The following NBAS variants were observed in gnomAD, a reference collection of about 807,000 sequenced individuals.
NBAS encodes NAG/BC035112 fusion.
Under a neutral mutation model 302.5 loss-of-function variants are expected in NBAS, and 219 were observed. The observed-to-expected ratio is 0.72, with a 90% CI of 0.65 to 0.81. The LOEUF is 0.81. Ranked by LOEUF, NBAS falls within the 30% of genes least tolerant of loss-of-function variation. The pLI, the probability that NBAS is intolerant of heterozygous loss-of-function variation, is 0.00. For synonymous variants in NBAS, 1,118 were observed against 1,021.6 expected, an observed-to-expected ratio of 1.09 and a Z score of -1.80; for missense variants, 2,932 against 2,841.6, an observed-to-expected ratio of 1.03 and a Z score of -0.72.
At chr2:15,272,671 G>A (rs778672755) in intron 44 of NBAS, among the ~76,000 whole-genome samples, 8 of 152,060 alleles carry the variant, frequency 5.3e-5, no homozygotes, top group African/African-American at 9.7e-5. Context: ...GTAGAAAATC[G>A]CCTCTTGAGA....
At chr2:15,036,938 C>A in the NBAS span, among the ~76,000 whole-genome samples, 1 of 152,036 alleles carries the variant, frequency 6.6e-6, no homozygotes, top group African/African-American at 2.4e-5. Context: ...GTTAGGCAAG[C>A]CAGGAAGGTT....
rs187051244 is a variant in NBAS at position 15,542,617 on chromosome 2, T to C, written c.380-3261A>G. On this transcript the variant is annotated intron_variant, in intron 6 of 51. Coordinates refer to ENST00000281513, the MANE Select transcript of NBAS (RefSeq NM_015909.4). ...CCCCTCTGCGAGAAACACCCAAGAATGATCAATAAAAAAATAAATAAATAA... is the reference window on the plus strand; with the variant it reads ...CCCCTCTGCGAGAAACACCCAAGAACGATCAATAAAAAAATAAATAAATAA... Among the ~76,000 whole-genome samples the C allele has an allele frequency of 5.5e-3, 792 of 143,346 alleles. 6 individuals carry two copies. Among genetic ancestry groups the C allele is most frequent in the African/African-American group, 0.019 (725 of 38,564 alleles). The allele number at this position is 143,346 out of a possible 152,430, so 94.0% of individuals were successfully genotyped here.
intron 6 of NBAS, among the ~76,000 whole-genome samples, chr2:15,547,983 T>C (rs13416086): frequency 0.24 from 36,998 of 152,134 alleles, 5,707 homozygotes; most frequent in East Asian, 0.65. Flanking sequence ...TGTATACATG[T>C]ATACATAAGG....
the NBAS span, chr2:14,886,679 T>C: frequency 5.9e-5 from 9 of 152,380 alleles, no homozygotes; most frequent in Admixed American, 2.6e-4. Flanking sequence ...AGTGTCTACA[T>C]TGACGTATCC....
the NBAS span, among the ~76,000 whole-genome samples, chr2:14,919,576 A>G: frequency 1.3e-5 from 2 of 152,250 alleles, no homozygotes; most frequent in African/African-American, 4.8e-5. Context: ...TTTTAGCCAC[A>G]GTAGAATTTC....
At chr2:15,084,624 C>T in the NBAS span, among the ~76,000 whole-genome samples, 1 of 151,506 alleles carries the variant, frequency 6.6e-6, no homozygotes, top group African/African-American at 2.4e-5. Flanking sequence ...GTGAGCCTTC[C>T]ATCTTCCACT....
intron 48 of NBAS, 53 bp from the exon 49 acceptor site, chr2:15,190,456 T>G (rs1665298030): frequency 6.3e-7 from 1 of 1,597,964 alleles, no homozygotes; most frequent in African/African-American, 1.3e-5. Flanking sequence ...CTGAATTGGT[T>G]TATAGAATAA....
intron 35 of NBAS, among the ~76,000 whole-genome samples, chr2:15,334,005 C>A (rs1168239402): frequency 6.6e-6 from 1 of 152,074 alleles, no homozygotes; most frequent in African/African-American, 2.4e-5. Flanking sequence ...TTATTAAACA[C>A]CTACTATATG....
intron 40 of NBAS, among the ~76,000 whole-genome samples, chr2:15,294,037 T>C (rs530830123): frequency 1.3e-5 from 2 of 152,344 alleles, no homozygotes; most frequent in South Asian, 4.2e-4. Flanking sequence ...CCATCTTTCA[T>C]TCCTTCAATA....
At chr2:15,497,291 G>T (rs1232178914) in intron 11 of NBAS, among the ~76,000 whole-genome samples, 1 of 152,196 alleles carries the variant, frequency 6.6e-6, no homozygotes, top group Non-Finnish European at 1.5e-5. Flanking sequence ...CATTTTTTAA[G>T]TCACTAAGGT....
chr2:15,353,313 A>G (rs1315566405), intron 34 of NBAS, among the ~76,000 whole-genome samples: 3 of 152,122 alleles, frequency 2.0e-5, no homozygotes, highest in Non-Finnish European at 1.5e-5. Flanking sequence ...TTCTTTCCAA[A>G]TATTACTTTC....
At chr2:15,124,603 G>A in the NBAS span, among the ~76,000 whole-genome samples, 1 of 152,170 alleles carries the variant, frequency 6.6e-6, no homozygotes, top group Non-Finnish European at 1.5e-5. Context: ...AGAGGCCTAG[G>A]AGGAAAGAAT....
At chr2:15,004,632 C>G in the NBAS span, among the ~76,000 whole-genome samples, 2 of 150,668 alleles carry the variant, frequency 1.3e-5, no homozygotes, top group African/African-American at 4.9e-5. Flanking sequence ...TCCCAAATAG[C>G]TGAGACAACA....
At chr2:15,245,640 T>C (rs1256402343) in intron 44 of NBAS, among the ~76,000 whole-genome samples, 5 of 150,444 alleles carry the variant, frequency 3.3e-5, no homozygotes, top group Admixed American at 6.6e-5. Context: ...GATGGATGGA[T>C]GGATGGACGG....
chr2:15,249,744 ACTTACAAG>A (rs1668274970), intron 44 of NBAS, among the ~76,000 whole-genome samples: 1 of 152,176 alleles, frequency 6.6e-6, no homozygotes, highest in South Asian at 2.1e-4. Context: ...TAGGAATACA[ACTTACAAG>A]GGATGTGAAG....
intron 40 of NBAS, among the ~76,000 whole-genome samples, chr2:15,303,607 G>A (rs148437543): frequency 6.6e-6 from 1 of 152,098 alleles, no homozygotes; most frequent in East Asian, 1.9e-4. Flanking sequence ...TTTGGAAAGA[G>A]TGGTGGCCAG....
chr2:15,551,666 T>C lies in NBAS; in HGVS notation c.336-130A>G, dbSNP rs1249368195. ...TCATATCTCCTCTCAGACATGGTTT[T>C]GTGGCTCAATTATGACCCTTTTGTC... On this transcript the variant is annotated intron_variant, in intron 5 of 51. Coordinates refer to ENST00000281513, the MANE Select transcript of NBAS (RefSeq NM_015909.4). 6.1e-6 allele frequency: 4 copies of C among 650,974 alleles called. No individual in the cohort carries two copies. The African/African-American group carries it at 7.3e-5, about 12-fold the overall frequency. The allele number at this position is 650,974 out of a possible 1,614,324, so 40.3% of individuals were successfully genotyped here.
At chr2:14,980,600 C>A in the NBAS span, among the ~76,000 whole-genome samples, 1 of 152,088 alleles carries the variant, frequency 6.6e-6, no homozygotes, top group Non-Finnish European at 1.5e-5. Context: ...ACACTATGCC[C>A]ACCCAGAGGT....
the NBAS span, among the ~76,000 whole-genome samples, chr2:14,873,057 AG>A: frequency 1.3e-5 from 2 of 152,186 alleles, no homozygotes; most frequent in East Asian, 1.9e-4. Context: ...CAGGTGGCCG[AG>A]GCTAGCTCGG....
Sources: allele counts gnomAD v4.1 joint callset (sites outside exome capture counted in the v4.1 genomes callset), GRCh38; gene constraint gnomAD v4.1.1; transcripts MANE v1.5; gene names NCBI Gene and HGNC (gene_info 2026-07-23, HGNC 2026-07-21).